Variants in LRRK1 observed in about 807,000 individuals in gnomAD.
LRRK1 encodes the protein leucine rich repeat kinase 1.
LRRK1 carries 113 observed loss-of-function variants against 209.1 expected under a neutral mutation model. The ratio of observed to expected loss-of-function variants is 0.54; its 90% CI spans 0.46 to 0.63. LRRK1 has a LOEUF of 0.63. Ranked by LOEUF, LRRK1 falls within the 30% of genes least tolerant of loss-of-function variation. The pLI is 0.00. For missense variants in LRRK1, 2,284 were observed against 2,632.2 expected, an observed-to-expected ratio of 0.87 and a Z score of 2.89; for synonymous variants, 1,144 against 1,099.7, an observed-to-expected ratio of 1.04 and a Z score of -0.80.
intron 20 of LRRK1, among the ~76,000 whole-genome samples, chr15:101,041,241 C>CTGGGTTTGATG: frequency 6.6e-6 from 1 of 152,118 alleles, no homozygotes; most frequent in East Asian, 1.9e-4. Context: ...GGGTTTTTTC[C>CTGGGTTTGATG]CTATTCTTCT....
chr15:101,007,455 G>A (rs2033014639), intron 6 of LRRK1, among the ~76,000 whole-genome samples: 1 of 152,194 alleles, frequency 6.6e-6, no homozygotes. Flanking sequence ...CCCCATGCCG[G>A]AAAACCGCTG....
intron 2 of LRRK1, among the ~76,000 whole-genome samples, chr15:100,943,643 T>G (rs955685971): frequency 6.6e-6 from 1 of 151,920 alleles, no homozygotes; most frequent in Non-Finnish European, 1.5e-5. Context: ...AAAATAAGTT[T>G]AGTTCCTCCT....
intron 2 of LRRK1, among the ~76,000 whole-genome samples, chr15:100,963,978 T>C (rs1333572503): frequency 6.6e-6 from 1 of 152,214 alleles, no homozygotes. Flanking sequence ...TCTATATGTA[T>C]AACCATCCAT....
intron 6 of LRRK1, among the ~76,000 whole-genome samples, chr15:101,006,734 T>A (rs1221730390): frequency 6.6e-6 from 1 of 152,046 alleles, no homozygotes; most frequent in Non-Finnish European, 1.5e-5. Context: ...ATAAAAAGCG[T>A]GTGTATTTGT....
At chr15:100,924,797 G>C in intron 2 of LRRK1, 68 bp downstream of exon 2, 1 of 1,189,426 alleles carries the variant, frequency 8.4e-7, no homozygotes, top group African/African-American at 1.5e-5. Flanking sequence ...AGGGTGTCTA[G>C]GCTATGTAAG....
intron 27 of LRRK1, among the ~76,000 whole-genome samples, 175 bp from the exon 28 acceptor site, chr15:101,056,679 AAG>A: frequency 6.6e-6 from 1 of 152,182 alleles, no homozygotes; most frequent in Non-Finnish European, 1.5e-5. Context: ...AAATGGATAG[AAG>A]AGAAAGTGGT....
At chr15:100,971,242 G>A (rs2141649253) in intron 2 of LRRK1, among the ~76,000 whole-genome samples, 1 of 151,382 alleles carries the variant, frequency 6.6e-6, no homozygotes, top group East Asian at 1.9e-4. Flanking sequence ...GTTGAGGCAT[G>A]AGAATCACTT....
chr15:100,982,080 A>C (rs1233524577), intron 3 of LRRK1, among the ~76,000 whole-genome samples: 4 of 149,554 alleles, frequency 2.7e-5, no homozygotes, highest in Non-Finnish European at 6.0e-5. Context: ...TGGCATCCTG[A>C]GTGCCCAGTC....
rs2033207339 is a variant in LRRK1 at position 101,010,974 on chromosome 15, T to C, written c.1281+137T>C. 9 of 716,822 alleles carry C rather than the reference T, an allele frequency of 1.3e-5. No homozygotes were observed. In the South Asian group the frequency reaches 1.5e-4, roughly 12 times the overall value. The allele number at this position is 716,822 out of a possible 1,614,324, so 44.4% of individuals were successfully genotyped here. On this transcript the variant is annotated intron_variant, in intron 9 of 33. Coordinates refer to ENST00000388948, the MANE Select transcript of LRRK1 (RefSeq NM_024652.6). ...GTAGAAGGGCCCGGTTCCCACATTG[T>C]AAGCATCGTCACTCAGCATACAGCG...
chr15:101,011,032 AG>A (rs1214335803), intron 9 of LRRK1, among the ~76,000 whole-genome samples, 195 bp downstream of exon 9: 1 of 152,166 alleles, frequency 6.6e-6, no homozygotes, highest in Non-Finnish European at 1.5e-5. Flanking sequence ...CTCACCTGAA[AG>A]CCAGCCTGCC....
intron 6 of LRRK1, among the ~76,000 whole-genome samples, chr15:101,005,290 C>T (rs1469527613): frequency 6.6e-6 from 1 of 152,172 alleles, no homozygotes; most frequent in African/African-American, 2.4e-5. Flanking sequence ...CCAAAGACTC[C>T]TACCCAAAGG....
At position 101,051,802 on chromosome 15, in the gene LRRK1, C is replaced by G; in HGVS notation, c.3531C>G (p.Asp1177Glu). ...VCETAWAQHT[D>E]PSEKSEDVQY... ...AGACAGCCTGGGCCCAGCACACGGA[C>G]CCCAGTGAGAAATCAGAGGATGTGC... Residue 1177 changes from aspartate to glutamate, a missense_variant, in exon 24 of 34, where the codon GAC (aspartate) becomes GAG (glutamate). Around this residue, in one of 6 missense-constraint regions of LRRK1, gnomAD observed 780 missense variants for 985.2 expected, o/e 0.79. Coordinates refer to ENST00000388948, the MANE Select transcript of LRRK1 (RefSeq NM_024652.6). 1 of 1,614,100 alleles carries G rather than the reference C, an allele frequency of 6.2e-7. No homozygotes were observed. The highest frequency in any genetic ancestry group is 1.1e-5 in the South Asian group (1 of 91,088).
chr15:100,964,095 A>G (rs112514424), intron 2 of LRRK1, among the ~76,000 whole-genome samples: 25 of 152,156 alleles, frequency 1.6e-4, no homozygotes, highest in Admixed American at 3.3e-4. Flanking sequence ...CCTCTGGGCC[A>G]GAACTGTTAG....
chr15:101,054,135 G>A (rs2035650445), intron 26 of LRRK1, among the ~76,000 whole-genome samples: 1 of 152,108 alleles, frequency 6.6e-6, no homozygotes, highest in African/African-American at 2.4e-5. Context: ...ACCACACCCA[G>A]CTAATTTGTT....
At chr15:100,924,167 C>T (rs1296247817) in intron 1 of LRRK1, among the ~76,000 whole-genome samples, 1 of 152,212 alleles carries the variant, frequency 6.6e-6, no homozygotes, top group East Asian at 1.9e-4. Flanking sequence ...CCTCCTTGAG[C>T]CATCTTGGTG....
intron 17 of LRRK1, among the ~76,000 whole-genome samples, chr15:101,026,795 G>A (rs749203102): frequency 6.6e-6 from 1 of 152,194 alleles, no homozygotes; most frequent in Non-Finnish European, 1.5e-5. Context: ...TCCCTCGCCC[G>A]GGGCAGAGCG....
rs529977809 is a variant in LRRK1, at chr15:101,014,735, CA to C, written c.1532+308del. Among the ~76,000 whole-genome samples, 30 of 152,290 alleles carry C rather than the reference CA, an allele frequency of 2.0e-4. 1 individual carries two copies. The East Asian group carries it at 5.8e-3, about 29-fold the overall frequency. ...TAATCTCCTCTTCTTATAAGGACAC[CA>C]GTCGGATTGGATTAGAGTCCATCCT... On this transcript the variant is annotated intron_variant, in intron 11 of 33. Coordinates refer to ENST00000388948, the MANE Select transcript of LRRK1 (RefSeq NM_024652.6).
At position 101,027,449 on chromosome 15, in the gene LRRK1, C is replaced by T; in HGVS notation, c.2526+68C>T. 6.3e-7 allele frequency: 1 copy of T among 1,577,492 alleles called. No individual in the cohort carries two copies. Among genetic ancestry groups the T allele is most frequent in the Non-Finnish European group, 8.6e-7 (1 of 1,161,756 alleles). ...CCCATTGTTGGGGGTCCTCACTTCC[C>T]CCTCTCTCCTGTGAAGCCCATGTCT... On this transcript the variant is annotated intron_variant, in intron 18 of 33. Coordinates refer to ENST00000388948, the MANE Select transcript of LRRK1 (RefSeq NM_024652.6). The surrounding 1 kb of genome is among the most constrained non-coding windows in gnomAD (Gnocchi z 5.1).
chr15:101,051,510 A>G (rs191471593), intron 23 of LRRK1, among the ~76,000 whole-genome samples: 1 of 152,310 alleles, frequency 6.6e-6, no homozygotes, highest in Non-Finnish European at 1.5e-5. Context: ...CTCCCTGGAC[A>G]CATCTTTCAG....
Sources: allele counts gnomAD v4.1 joint callset (sites outside exome capture counted in the v4.1 genomes callset), GRCh38; gene constraint gnomAD v4.1.1; regional missense constraint gnomAD v4.1.1; non-coding constraint Gnocchi (gnomAD v3.1); transcripts MANE v1.5; gene names NCBI Gene and HGNC (gene_info 2026-07-23, HGNC 2026-07-21).